PTPRA: variants seen among roughly 807,000 people sequenced by gnomAD.
PTPRA encodes the protein receptor-type tyrosine-protein phosphatase alpha.
PTPRA carries 25 observed loss-of-function variants against 104.8 expected under a neutral mutation model. The observed-to-expected ratio is 0.24, with a 90% CI of 0.17 to 0.33. PTPRA has a LOEUF of 0.33. Ranked by LOEUF, PTPRA falls within the 10% of genes least tolerant of loss-of-function variation. The probability of loss-of-function intolerance (pLI) is 1.00; values close to 1 mark genes in which losing one functional copy is unlikely to be tolerated. For synonymous variants in PTPRA, 323 were observed against 368.9 expected (o/e 0.88, Z 1.43); for missense variants, 765 against 1,015.3 (o/e 0.75, Z 3.35).
chr20:2,962,821 C>T (rs981000072), intron 3 of PTPRA, among the ~76,000 whole-genome samples: 2 of 152,178 alleles, frequency 1.3e-5, no homozygotes, highest in African/African-American at 4.8e-5. Flanking sequence ...GCTGCTGGTA[C>T]CAGGGGCAAA....
chr20:3,034,084 G>A (rs1226427740), intron 20 of PTPRA, among the ~76,000 whole-genome samples: 2 of 151,750 alleles, frequency 1.3e-5, no homozygotes, highest in East Asian at 3.9e-4. Flanking sequence ...CAGCCTGGCC[G>A]ACATGGTGAA....
intron 11 of PTPRA, 72 bp from the exon 12 acceptor site, chr20:3,015,777 T>A (rs1178015): frequency 0.51 from 667,289 of 1,315,550 alleles, 172,990 homozygotes; most frequent in East Asian, 0.84. Context: ...CTGGTTGGAG[T>A]CAGACTGGAG....
At chr20:3,006,707 A>G (rs1025007182) in intron 10 of PTPRA, among the ~76,000 whole-genome samples, 1 of 152,142 alleles carries the variant, frequency 6.6e-6, no homozygotes, top group Non-Finnish European at 1.5e-5. Context: ...GGCTCACTGC[A>G]GGCTCTACCT....
chr20:2,927,462 GTTA>G (rs1302390639), intron 2 of PTPRA, among the ~76,000 whole-genome samples: 2 of 152,026 alleles, frequency 1.3e-5, no homozygotes, highest in African/African-American at 4.8e-5. Flanking sequence ...CTATTTGCCT[GTTA>G]TTATAGTTTC....
chr20:2,959,550 T>C (rs1017369409), intron 3 of PTPRA, among the ~76,000 whole-genome samples: 1 of 152,190 alleles, frequency 6.6e-6, no homozygotes, highest in African/African-American at 2.4e-5. Flanking sequence ...GTTCATTTTC[T>C]TTTTTAAAAT....
At chr20:2,946,965 G>A (rs1809524698) in intron 2 of PTPRA, among the ~76,000 whole-genome samples, 1 of 152,174 alleles carries the variant, frequency 6.6e-6, no homozygotes, top group African/African-American at 2.4e-5. Flanking sequence ...AACCTGAAAT[G>A]TTTTGGTTAA....
In PTPRA at chr20:2,965,113, C is replaced by T. The variant is rs1178027; in HGVS notation, c.326C>T (p.Pro109Leu). Residue 109 changes from proline to leucine, a missense_variant, in exon 5 of 24, where the codon CCA (proline) becomes CTA (leucine). Pro to Leu is a moderately conservative substitution (Grantham distance 98). This residue lies in a region of PTPRA where 256 missense variants were observed against 248.9 expected (regional missense o/e 1.03). Transcript: ENST00000399903. Reference sequence around the variant, plus strand: ...ATTTCACCAAATGGAACGTGGCTTCCAGATAACCAGTTCACGGATGCCAGA... The same window carrying T: ...ATTTCACCAAATGGAACGTGGCTTCTAGATAACCAGTTCACGGATGCCAGA... Reference protein sequence around the residue: ...ITISPNGTWLPDNQFTDARTE... With the variant: ...ITISPNGTWLLDNQFTDARTE... The T allele has an allele frequency of 0.13, 211,151 of 1,613,818 alleles. 22,863 individuals carry two copies. The highest frequency in any genetic ancestry group is 0.58 in the African/African-American group (43,543 of 74,902).
chr20:2,960,904 T>C (rs36082439), intron 3 of PTPRA, among the ~76,000 whole-genome samples: 1,945 of 152,160 alleles, frequency 0.013, 24 homozygotes, highest in South Asian at 0.043. Context: ...TCACATTGGC[T>C]TCTGTCACTT....
At chr20:3,026,879 A>G (rs780789245) in intron 18 of PTPRA, 99 bp downstream of exon 18, 152 of 1,140,598 alleles carry the variant, frequency 1.3e-4, no homozygotes, top group Non-Finnish European at 1.9e-4. Flanking sequence ...TGGCGTATAG[A>G]CAAGAATCAT....
chr20:2,871,513 T>TAA (rs984951266), upstream of PTPRA, among the ~76,000 whole-genome samples: 2 of 150,774 alleles, frequency 1.3e-5, no homozygotes, highest in African/African-American at 4.9e-5. Flanking sequence ...AAATAAAAAG[T>TAA]AAAAAAAAAC....
intron 1 of PTPRA, among the ~76,000 whole-genome samples, chr20:2,915,093 T>A (rs543362463): frequency 2.2e-4 from 34 of 152,010 alleles, no homozygotes; most frequent in Admixed American, 1.8e-3. Flanking sequence ...TTTTTTTTTT[T>A]AAAGAGTTGG....
intron 2 of PTPRA, among the ~76,000 whole-genome samples, chr20:2,939,859 C>T (rs929005114): frequency 1.3e-5 from 2 of 152,220 alleles, no homozygotes; most frequent in African/African-American, 4.8e-5. Context: ...ACAATCCCAG[C>T]ACTTTGGGAG....
At chr20:2,955,409 G>A (rs535476777) in intron 3 of PTPRA, among the ~76,000 whole-genome samples, 1 of 152,192 alleles carries the variant, frequency 6.6e-6, no homozygotes, top group African/African-American at 2.4e-5. Flanking sequence ...CTTAGAAGCA[G>A]TAGAAGTTAA....
intron 3 of PTPRA, among the ~76,000 whole-genome samples, chr20:2,958,658 TAAAAAA>T (rs71195806): frequency 3.1e-4 from 19 of 62,278 alleles, no homozygotes; most frequent in East Asian, 7.9e-4. Context: ...CCATCTCTAC[TAAAAAA>T]AAAAAAAAAA....
In PTPRA at chr20:3,032,534, A is replaced by G. The variant is rs545100659; in HGVS notation, c.1921-3051A>G. Among the ~76,000 whole-genome samples, 1,167 of 151,098 alleles carry G rather than the reference A, an allele frequency of 7.7e-3. 11 individuals carry two copies. The highest frequency in any genetic ancestry group is 0.012 in the Non-Finnish European group (780 of 67,288). ...TGTAATCCCAGCACTTTGGGAGGCCAAGGTGGGCGGATCACAAAGTCAGGA... is the reference window on the plus strand; with the variant it reads ...TGTAATCCCAGCACTTTGGGAGGCCGAGGTGGGCGGATCACAAAGTCAGGA... On this transcript the variant is annotated intron_variant, in intron 20 of 23. Transcript: ENST00000399903.
At chr20:3,028,741 C>T (rs544182428) in intron 20 of PTPRA, among the ~76,000 whole-genome samples, 9 of 152,296 alleles carry the variant, frequency 5.9e-5, no homozygotes, top group Admixed American at 5.2e-4. Context: ...GAGAAAATTC[C>T]TTCTAAGCCA....
chr20:2,873,092 G>A (rs2089469631), upstream of PTPRA, among the ~76,000 whole-genome samples: 1 of 152,216 alleles, frequency 6.6e-6, no homozygotes, highest in South Asian at 2.1e-4. This position sits in a 1 kb window ranked among gnomAD's most constrained non-coding sequence, Gnocchi z 4.4. Flanking sequence ...ATCACGTTTG[G>A]AGAGGGTTAG....
chr20:2,924,675 G>A (rs555292945), intron 2 of PTPRA, among the ~76,000 whole-genome samples: 7 of 152,076 alleles, frequency 4.6e-5, no homozygotes, highest in South Asian at 2.1e-4. Context: ...CTGCAGCACC[G>A]AAAAGGTGTT....
rs2064848862 is a variant in PTPRA, at chr20:3,021,162, G to C, written c.1042-147G>C. 15 of 1,089,594 alleles carry C rather than the reference G, an allele frequency of 1.4e-5. No individual in the cohort carries two copies. In the South Asian group the frequency reaches 2.1e-4, roughly 15 times the overall value. 67.5% of individuals were successfully genotyped at this position (1,089,594 alleles called of 1,614,324 possible). A position where few individuals can be genotyped will look rare whatever the true frequency, so the allele number is the denominator to read the frequency against. On this transcript the variant is annotated intron_variant, in intron 13 of 23. Transcript: ENST00000399903. ...GAAAAGGGCAAATTTGAATAAGTAA[G>C]TGTGCAACTGACTGAGATAGAGAAG... is the stretch of plus-strand genomic sequence containing the variant.
Sources: allele counts gnomAD v4.1 joint callset (sites outside exome capture counted in the v4.1 genomes callset), GRCh38; gene constraint gnomAD v4.1.1; regional missense constraint gnomAD v4.1.1; non-coding constraint Gnocchi (gnomAD v3.1); transcripts MANE v1.5; gene names NCBI Gene and HGNC (gene_info 2026-07-23, HGNC 2026-07-21).